The following LUZP2 variants were observed in gnomAD, a reference collection of about 807,000 sequenced individuals.
LUZP2 encodes leucine zipper protein 2.
Under a neutral mutation model 51.6 loss-of-function variants are expected in LUZP2, and 52 were observed. The observed-to-expected ratio is 1.01, with a 90% CI of 0.81 to 1.27. The LOEUF (loss-of-function observed/expected upper bound fraction) is 1.27. Ranked by LOEUF, LUZP2 falls within the 50% of genes most tolerant of loss-of-function variation. The pLI is 0.00. For missense variants in LUZP2, 436 were observed against 395.4 expected, an observed-to-expected ratio of 1.10 and a Z score of -0.87; for synonymous variants, 154 against 137.3, an observed-to-expected ratio of 1.12 and a Z score of -0.85.
intron 1 of LUZP2, among the ~76,000 whole-genome samples, chr11:24,687,986 T>C (rs1365908940): frequency 6.6e-6 from 1 of 152,108 alleles, no homozygotes; most frequent in South Asian, 2.1e-4. Flanking sequence ...TCACTAAGTC[T>C]CTCTTTCTCT....
intron 9 of LUZP2, among the ~76,000 whole-genome samples, chr11:25,032,195 G>T (rs1022455765): frequency 6.6e-6 from 1 of 152,120 alleles, no homozygotes; most frequent in Non-Finnish European, 1.5e-5. Flanking sequence ...GGGCCACCTT[G>T]ATTTTAGCCC....
intron 5 of LUZP2, among the ~76,000 whole-genome samples, chr11:24,864,331 T>C (rs952028253): frequency 6.6e-6 from 1 of 152,156 alleles, no homozygotes; most frequent in Non-Finnish European, 1.5e-5. Context: ...CATTACAGAA[T>C]TTTGAGCTCA....
At chr11:24,928,056 A>G (rs1394205279) in intron 7 of LUZP2, among the ~76,000 whole-genome samples, 1 of 152,060 alleles carries the variant, frequency 6.6e-6, no homozygotes, top group African/African-American at 2.4e-5. Context: ...CTGTTGATGT[A>G]TGGCAGAGCT....
At chr11:24,526,591 C>A (rs1164852457) in intron 1 of LUZP2, among the ~76,000 whole-genome samples, 12 of 151,134 alleles carry the variant, frequency 7.9e-5, no homozygotes, top group Non-Finnish European at 1.2e-4. Flanking sequence ...TTCCATGGGA[C>A]GTTGTTAAAA....
intron 10 of LUZP2, among the ~76,000 whole-genome samples, chr11:25,071,658 G>C (rs563759461): frequency 6.6e-6 from 1 of 151,366 alleles, no homozygotes; most frequent in Non-Finnish European, 1.5e-5. Context: ...ATCACACACC[G>C]GGGCCTGTCA....
intron 5 of LUZP2, among the ~76,000 whole-genome samples, chr11:24,864,094 A>G (rs10834511): frequency 0.16 from 24,015 of 152,102 alleles, 2,076 homozygotes; most frequent in African/African-American, 0.22. Context: ...TCTATACTGT[A>G]ATTAAGAAAA....
chr11:24,696,212 G>C (rs4922691), intron 1 of LUZP2, among the ~76,000 whole-genome samples: 60,675 of 151,716 alleles, frequency 0.4, 12,443 homozygotes, highest in East Asian at 0.58. Context: ...ATTTGGGGAA[G>C]GACAAGACTA....
At chr11:24,596,589 C>A (rs1853451079) in intron 1 of LUZP2, among the ~76,000 whole-genome samples, 1 of 152,128 alleles carries the variant, frequency 6.6e-6, no homozygotes, top group African/African-American at 2.4e-5. Context: ...TTAAAGTAGA[C>A]TGGTGCCTTA....
intron 10 of LUZP2, among the ~76,000 whole-genome samples, chr11:25,050,927 G>A (rs75244885): frequency 0.024 from 3,658 of 152,272 alleles, 65 homozygotes; most frequent in Middle Eastern, 0.044. Flanking sequence ...CTCTTTAAAA[G>A]TGCAATGGAA....
chr11:24,570,509 A>G (rs1281800112), intron 1 of LUZP2, among the ~76,000 whole-genome samples: 1 of 152,098 alleles, frequency 6.6e-6, no homozygotes, highest in African/African-American at 2.4e-5. Flanking sequence ...TCAATTTTGA[A>G]GTTGACTGAT....
At chr11:24,806,617 T>C (rs1388677566) in intron 5 of LUZP2, among the ~76,000 whole-genome samples, 1 of 152,128 alleles carries the variant, frequency 6.6e-6, no homozygotes, top group Non-Finnish European at 1.5e-5. Flanking sequence ...AAGGTAAACT[T>C]GGAATTTGTA....
At chr11:24,606,659 T>C (rs890855322) in intron 1 of LUZP2, among the ~76,000 whole-genome samples, 1 of 152,042 alleles carries the variant, frequency 6.6e-6, no homozygotes, top group Non-Finnish European at 1.5e-5. Context: ...TTCCTTTGTA[T>C]GTATGCCCAG....
chr11:24,956,892 T>C (rs564427810), intron 7 of LUZP2, among the ~76,000 whole-genome samples: 53 of 152,194 alleles, frequency 3.5e-4, no homozygotes, highest in African/African-American at 1.2e-3. Flanking sequence ...TTGAAGAATC[T>C]CTAGTTTAAA....
chr11:25,062,377 G>A (rs1858863608), intron 10 of LUZP2, among the ~76,000 whole-genome samples: 2 of 150,952 alleles, frequency 1.3e-5, no homozygotes, highest in Admixed American at 1.3e-4. Flanking sequence ...TTGAGTTCAG[G>A]AGTTTGAGAC....
intron 5 of LUZP2, among the ~76,000 whole-genome samples, chr11:24,851,463 G>A (rs565807441): frequency 1.5e-4 from 23 of 152,230 alleles, no homozygotes; most frequent in Admixed American, 3.9e-4. Flanking sequence ...CGACTTGATC[G>A]TAGTGGATAA....
intron 5 of LUZP2, chr11:24,786,420 T>C (rs1849247241): frequency 2.0e-6 from 2 of 982,506 alleles, no homozygotes; most frequent in East Asian, 2.3e-4. Flanking sequence ...AGTATACATA[T>C]GCAATTTTTC....
chr11:24,684,691 G>A (rs1005085163), intron 1 of LUZP2, among the ~76,000 whole-genome samples: 3 of 152,142 alleles, frequency 2.0e-5, no homozygotes, highest in Non-Finnish European at 4.4e-5. Context: ...TGCCTGCTTT[G>A]CCAGCCAGTG....
At chr11:24,779,666 G>C (rs1564881593) in intron 5 of LUZP2, among the ~76,000 whole-genome samples, 1 of 152,104 alleles carries the variant, frequency 6.6e-6, no homozygotes, top group Non-Finnish European at 1.5e-5. Flanking sequence ...GAGAGATCAT[G>C]TCCTAATTCC....
intron 5 of LUZP2, among the ~76,000 whole-genome samples, chr11:24,766,309 T>C (rs12283903): frequency 0.025 from 3,778 of 152,266 alleles, 95 homozygotes; most frequent in African/African-American, 0.067. Flanking sequence ...ATATTAACAA[T>C]TAACAAGGGG....
Sources: allele counts gnomAD v4.1 joint callset (sites outside exome capture counted in the v4.1 genomes callset), GRCh38; gene constraint gnomAD v4.1.1; transcripts MANE v1.5; gene names NCBI Gene and HGNC (gene_info 2026-07-23, HGNC 2026-07-21).